The following ODAD2 variants were observed in gnomAD, a reference collection of about 807,000 sequenced individuals.
ODAD2 encodes the protein outer dynein arm-docking complex subunit 2.
In ODAD2, 89 loss-of-function variants were observed where a neutral mutation model predicts 106.8. The ratio of observed to expected loss-of-function variants is 0.83; its 90% CI spans 0.70 to 0.99. The LOEUF is 0.99. Among genes scored for constraint, ODAD2 ranks in the 50% least tolerant of loss-of-function variants. The probability of loss-of-function intolerance (pLI) is 0.00; values close to 1 mark genes in which losing one functional copy is unlikely to be tolerated. For synonymous variants in ODAD2, 404 were observed against 436.2 expected, an observed-to-expected ratio of 0.93 and a Z score of 0.92; for missense variants, 1,168 against 1,238.5, an observed-to-expected ratio of 0.94 and a Z score of 0.85.
At chr10:27,874,272 T>C (rs1408563726) in intron 17 of ODAD2, among the ~76,000 whole-genome samples, 4 of 152,208 alleles carry the variant, frequency 2.6e-5, no homozygotes, top group Non-Finnish European at 5.9e-5. Context: ...ATGGGTCTCC[T>C]GAATACAGCA....
intron 17 of ODAD2, among the ~76,000 whole-genome samples, chr10:27,907,417 T>G (rs1396882705): frequency 6.6e-6 from 1 of 152,200 alleles, no homozygotes; most frequent in Non-Finnish European, 1.5e-5. Flanking sequence ...GGATGCTTGC[T>G]TCCATTGCAC....
At chr10:27,902,751 G>A (rs1168118027) in intron 17 of ODAD2, among the ~76,000 whole-genome samples, 1 of 152,104 alleles carries the variant, frequency 6.6e-6, no homozygotes, top group East Asian at 1.9e-4. Flanking sequence ...AAACCAGGAA[G>A]AAATCAAATC....
chr10:27,832,849 A>G (rs145982996), intron 19 of ODAD2, among the ~76,000 whole-genome samples: 469 of 152,312 alleles, frequency 3.1e-3, no homozygotes, highest in Non-Finnish European at 5.0e-3. Context: ...TCAGCATATC[A>G]TTTTACTGTG....
intron 10 of ODAD2, among the ~76,000 whole-genome samples, chr10:27,951,604 CAGA>C (rs1157776505): frequency 2.0e-4 from 30 of 150,204 alleles, no homozygotes; most frequent in Admixed American, 2.0e-3. Context: ...AAGTGAATTC[CAGA>C]AGGATTAAGA....
At chr10:27,970,875 G>A (rs1174865660) in intron 8 of ODAD2, among the ~76,000 whole-genome samples, 3 of 152,022 alleles carry the variant, frequency 2.0e-5, no homozygotes, top group African/African-American at 7.2e-5. Context: ...AGGAGGCTGA[G>A]GCAGGAGAAT....
At chr10:27,877,596 G>C (rs1327998342) in intron 17 of ODAD2, among the ~76,000 whole-genome samples, 2 of 152,112 alleles carry the variant, frequency 1.3e-5, no homozygotes, top group Non-Finnish European at 2.9e-5. Context: ...TCTATGGAAA[G>C]GGAGGCAGTA....
At chr10:27,979,647 T>C (rs1588653005) in intron 7 of ODAD2, among the ~76,000 whole-genome samples, 1 of 152,088 alleles carries the variant, frequency 6.6e-6, no homozygotes, top group Admixed American at 6.6e-5. Flanking sequence ...AAAATGTTAA[T>C]GAGTAAATAT....
At chr10:27,874,890 G>A (rs1210039500) in intron 17 of ODAD2, among the ~76,000 whole-genome samples, 1 of 152,082 alleles carries the variant, frequency 6.6e-6, no homozygotes, top group Admixed American at 6.6e-5. Flanking sequence ...TCCTGAATTT[G>A]AATGTTGGCC....
intron 16 of ODAD2, among the ~76,000 whole-genome samples, chr10:27,910,775 C>A (rs1358209482): frequency 6.6e-6 from 1 of 151,744 alleles, no homozygotes; most frequent in African/African-American, 2.4e-5. Flanking sequence ...AAAAAACAAA[C>A]AAACAAACAA....
chr10:27,857,185 C>T (rs1189482702), intron 19 of ODAD2, among the ~76,000 whole-genome samples: 11 of 152,232 alleles, frequency 7.2e-5, no homozygotes, highest in South Asian at 6.2e-4. Flanking sequence ...GCCTACTCTA[C>T]GTGAAGATGA....
Position 27,812,609 on chromosome 10 carries a change from A to C in ODAD2, c.3038T>G (p.Val1013Gly). The C allele has an allele frequency of 6.2e-7, 1 of 1,605,176 alleles. No individual in the cohort carries two copies. The highest frequency in any genetic ancestry group is 1.1e-5 in the South Asian group (1 of 89,050). ...CTGGAGATCCTGGTCAGGGGACCCA[A>C]CCATATCCAGTAGAAGCTGTCACAC... ...NGAVKLLLDM[V>G]GSPDQDLQEA... Residue 1013 changes from valine to glycine, a missense_variant, in exon 20 of 20, where the codon GTT (valine) becomes GGT (glycine). Val to Gly is a moderately radical substitution (Grantham distance 109). This residue lies in a region of ODAD2 where 701 missense variants were observed against 712.3 expected (regional missense o/e 0.98). Transcript: ENST00000305242.
chr10:27,885,184 T>G (rs1841992183), intron 17 of ODAD2, among the ~76,000 whole-genome samples: 1 of 151,204 alleles, frequency 6.6e-6, no homozygotes, highest in South Asian at 2.1e-4. Flanking sequence ...TAAGGAAAAT[T>G]ATATATAAAC....
chr10:27,891,848 TA>T (rs1842584932), intron 17 of ODAD2, among the ~76,000 whole-genome samples: 1 of 152,198 alleles, frequency 6.6e-6, no homozygotes, highest in East Asian at 1.9e-4. Flanking sequence ...ACGACACAAT[TA>T]AATTTTTATA....
At chr10:27,917,875 A>T (rs1844509081) in intron 16 of ODAD2, among the ~76,000 whole-genome samples, 1 of 151,980 alleles carries the variant, frequency 6.6e-6, no homozygotes, top group Admixed American at 6.6e-5. Flanking sequence ...TAAAAGAATA[A>T]TAAAATGAAT....
intron 10 of ODAD2, among the ~76,000 whole-genome samples, chr10:27,950,740 C>T (rs953443952): frequency 1.3e-5 from 2 of 152,136 alleles, no homozygotes; most frequent in Admixed American, 1.3e-4. Flanking sequence ...GCATGCACCA[C>T]CATGCCTGAC....
At position 27,898,578 on chromosome 10, in the gene ODAD2, T is replaced by C. The variant is rs576801656; in HGVS notation, c.2610+9085A>G. Among the ~76,000 whole-genome samples the C allele has an allele frequency of 5.9e-5, 9 of 152,316 alleles. No individual in the cohort carries two copies. The South Asian group carries it at 1.0e-3, about 18-fold the overall frequency. The stretch of plus-strand genomic sequence containing the variant: ...TAGTTAAAGTGACTGATTAAGATTA[T>C]CCTTCAAGGATTTGTATCAATCTTT... On this transcript the variant is annotated intron_variant, in intron 17 of 19. Transcript: ENST00000305242.
chr10:27,828,202 CAG>C (rs1837214559), intron 19 of ODAD2, among the ~76,000 whole-genome samples: 1 of 152,150 alleles, frequency 6.6e-6, no homozygotes, highest in Non-Finnish European at 1.5e-5. Flanking sequence ...AGTCAGAAGA[CAG>C]TGAGCTGAAG....
chr10:27,879,338 G>A (rs1841555765), intron 17 of ODAD2, among the ~76,000 whole-genome samples: 1 of 151,820 alleles, frequency 6.6e-6, no homozygotes, highest in African/African-American at 2.4e-5. Context: ...AGTATAAGGT[G>A]CTATACAAAT....
chr10:27,945,536 G>T (rs1846845020), intron 10 of ODAD2, among the ~76,000 whole-genome samples: 1 of 152,238 alleles, frequency 6.6e-6, no homozygotes, highest in Non-Finnish European at 1.5e-5. Context: ...AAGCTTCACT[G>T]TGGTGAGCAA....
Sources: gnomAD v4.1 joint callset for allele counts (sites outside exome capture counted in the v4.1 genomes callset) on GRCh38, gnomAD v4.1.1 for gene constraint, gnomAD v4.1.1 regional missense constraint, MANE v1.5 for transcripts, NCBI Gene and HGNC (gene_info 2026-07-23, HGNC 2026-07-21) for gene names.